The following CARF variants were observed in gnomAD, a reference collection of about 807,000 sequenced individuals.
CARF encodes the protein calcium responsive transcription factor.
A neutral mutation model predicts 82.0 loss-of-function variants in CARF; 57 were observed. The observed-to-expected ratio is 0.70, with a 90% CI of 0.56 to 0.87. CARF has a LOEUF of 0.87. Among genes scored for constraint, CARF ranks in the 40% least tolerant of loss-of-function variants. The pLI is 0.00. For synonymous variants in CARF, 268 were observed against 290.1 expected (o/e 0.92, Z 0.77); for missense variants, 771 against 855.8 (o/e 0.90, Z 1.24).
chr2:202,934,224 A>C (rs758605199), intron 3 of CARF, among the ~76,000 whole-genome samples: 1 of 152,246 alleles, frequency 6.6e-6, no homozygotes, highest in Admixed American at 6.5e-5. Context: ...AAGTTTTGAT[A>C]CATGACATGT....
chr2:202,916,279 C>G (rs1447902796), intron 1 of CARF, among the ~76,000 whole-genome samples: 1 of 152,062 alleles, frequency 6.6e-6, no homozygotes, highest in East Asian at 1.9e-4. Flanking sequence ...TTCCCAGGTT[C>G]AAGCGATTCT....
chr2:202,941,796 T>A, intron 3 of CARF, 64 bp from the exon 4 acceptor site: 1 of 761,794 alleles, frequency 1.3e-6, no homozygotes, highest in Non-Finnish European at 2.2e-6. Context: ...GAGATTTGTT[T>A]AAGATAAAAC....
intron 3 of CARF, among the ~76,000 whole-genome samples, chr2:202,936,233 T>TATATATGTACACAC (rs2105780906): frequency 6.6e-6 from 1 of 152,336 alleles, no homozygotes; most frequent in African/African-American, 2.4e-5. Flanking sequence ...TGTATACACA[T>TATATATGTACACAC]GCATATATAT....
At chr2:202,960,276 G>A (rs747145067) in intron 8 of CARF, among the ~76,000 whole-genome samples, 63 of 150,344 alleles carry the variant, frequency 4.2e-4, no homozygotes, top group Middle Eastern at 3.5e-3. Context: ...TTTAGACAGA[G>A]TCTTGCTCTG....
intron 3 of CARF, among the ~76,000 whole-genome samples, chr2:202,926,785 G>A (rs1457990157): frequency 2.0e-5 from 3 of 152,010 alleles, no homozygotes; most frequent in African/African-American, 4.8e-5. Flanking sequence ...TGTAGTTTAC[G>A]ATACATATAT....
chr2:202,913,051 C>T lies in CARF; in HGVS notation c.-381C>T, dbSNP rs1474350860. On this transcript the variant is annotated 5_prime_UTR_variant, in exon 1 of 17. Transcript: ENST00000438828. ...TTTTTAAGGCATTCGCTTCAAGAGA[C>T]AAGCAGTTTAGAATCAGGCAGAACT... is the stretch of plus-strand genomic sequence containing the variant. The T allele has an allele frequency of 2.6e-5, 4 of 152,168 alleles. No individual in the cohort carries two copies. 9.4% of individuals were successfully genotyped at this position (152,168 alleles called of 1,614,324 possible). A position where few individuals can be genotyped will look rare whatever the true frequency, so the allele number is the denominator to read the frequency against.
intron 8 of CARF, among the ~76,000 whole-genome samples, chr2:202,957,830 C>T (rs933933775): frequency 2.0e-5 from 3 of 151,910 alleles, no homozygotes; most frequent in Non-Finnish European, 1.5e-5. Flanking sequence ...TAGTGGGCAC[C>T]TGTAGTCCCA....
At chr2:202,936,993 T>C (rs1365890581) in intron 3 of CARF, among the ~76,000 whole-genome samples, 1 of 152,190 alleles carries the variant, frequency 6.6e-6, no homozygotes, top group Non-Finnish European at 1.5e-5. Context: ...AGGTAGGAGT[T>C]CAACATCATT....
chr2:202,929,071 C>T (rs1412928278), intron 3 of CARF, among the ~76,000 whole-genome samples: 1 of 152,138 alleles, frequency 6.6e-6, no homozygotes, highest in African/African-American at 2.4e-5. Flanking sequence ...GCTCATTTGT[C>T]CATTTCTAAA....
At position 202,974,465 on chromosome 2, in the gene CARF, C is replaced by T. The variant is rs548141459; in HGVS notation, c.1463C>T (p.Thr488Met). The change falls in exon 13 of 17, where the codon ACG becomes ATG. Residue 488 changes from threonine (T) to methionine (M), a missense_variant. By Grantham distance (81) the Thr-to-Met change is moderately conservative. Transcript: ENST00000438828. ...CAGAAATCCTTGAGAAATGGAGATA[C>T]GGTATATAACTCAGAGATTATTCCA... ...EVQKSLRNGD[T>M]VYNSEIIPAT... 4.4e-5 allele frequency: 71 copies of T among 1,603,428 alleles called. No individual in the cohort carries two copies. The highest frequency in any genetic ancestry group is 5.5e-5 in the Non-Finnish European group (65 of 1,177,066).
chr2:202,959,737 A>G (rs771346913), intron 8 of CARF, among the ~76,000 whole-genome samples: 6 of 151,866 alleles, frequency 4.0e-5, no homozygotes, highest in Non-Finnish European at 7.4e-5. Context: ...TGAACCCGGG[A>G]GATGAAGGTT....
rs1553584712 is a variant in CARF, at chr2:202,986,897, T to TATATACATATATATATATATAC, written c.*3278_*3279insCATATATATATATATACATATA. 7.4e-6 allele frequency: 1 copy of TATATACATATATATATATATAC among 135,942 alleles called. No individual in the cohort carries two copies. The highest frequency in any genetic ancestry group is 1.6e-5 in the Non-Finnish European group (1 of 62,598). The allele number at this position is 135,942 out of a possible 1,614,324, so 8.4% of individuals were successfully genotyped here. A position where few individuals can be genotyped will look rare whatever the true frequency, so the allele number is the denominator to read the frequency against. ...ATATATATATATATATATATATATA[T>TATATACATATATATATATATAC]ATATATATATAGCAACTTGATGTAT... On this transcript the variant is annotated 3_prime_UTR_variant, in exon 17 of 17. Transcript: ENST00000438828.
rs780136774 is a variant in CARF at position 202,941,949 on chromosome 2, AAG to A, written c.50_51del (p.Glu17ValfsTer9). 6.2e-7 allele frequency: 1 copy of A among 1,613,690 alleles called. No individual in the cohort carries two copies. Among genetic ancestry groups the A allele is most frequent in the Admixed American group, 1.7e-5 (1 of 60,012 alleles). On this transcript the variant is annotated frameshift_variant, in exon 4 of 17. Coordinates refer to ENST00000438828, the MANE Select transcript of CARF (RefSeq NM_024744.17). LOFTEE classifies it high-confidence loss of function. ...TTAAGAGTCAACCATAATGACGGTG[AAG>A]AGTCAAAAACCAGTGCTCAAGTATT...
chr2:202,964,010 T>A (rs1016418437), intron 9 of CARF, among the ~76,000 whole-genome samples: 2 of 152,098 alleles, frequency 1.3e-5, no homozygotes, highest in African/African-American at 4.8e-5. Context: ...ATAGCCAATA[T>A]CACATAATCA....
intron 8 of CARF, among the ~76,000 whole-genome samples, chr2:202,956,793 T>C (rs983746213): frequency 1.3e-5 from 2 of 152,250 alleles, no homozygotes; most frequent in South Asian, 2.1e-4. Flanking sequence ...ATTCTTTTTC[T>C]TTTTTATTTT....
chr2:202,980,945 G>T (rs1226477275), intron 14 of CARF, among the ~76,000 whole-genome samples: 1 of 151,806 alleles, frequency 6.6e-6, no homozygotes, highest in African/African-American at 2.4e-5. Flanking sequence ...TCTGATGGAG[G>T]TCCTGGAACC....
intron 3 of CARF, among the ~76,000 whole-genome samples, chr2:202,932,877 C>T (rs1342912546): frequency 1.3e-5 from 2 of 152,204 alleles, no homozygotes; most frequent in East Asian, 3.9e-4. Context: ...CTGTGTTTCC[C>T]TAGGACACAG....
intron 1 of CARF, among the ~76,000 whole-genome samples, 166 bp downstream of exon 1, chr2:202,913,268 CA>C (rs1254964041): frequency 2.0e-5 from 3 of 152,136 alleles, no homozygotes; most frequent in African/African-American, 7.2e-5. Flanking sequence ...AGAGCAATGA[CA>C]ATAAAAGTAG....
intron 8 of CARF, among the ~76,000 whole-genome samples, chr2:202,959,583 C>G (rs1250648421): frequency 6.6e-6 from 1 of 152,142 alleles, no homozygotes; most frequent in Non-Finnish European, 1.5e-5. Flanking sequence ...CTTTGGGAGG[C>G]TGAGGCAGGC....
Sources: allele counts gnomAD v4.1 joint callset (sites outside exome capture counted in the v4.1 genomes callset), GRCh38; gene constraint gnomAD v4.1.1; transcripts MANE v1.5; gene names NCBI Gene and HGNC (gene_info 2026-07-23, HGNC 2026-07-21).